The following CPEB3 variants were observed in gnomAD, a reference collection of about 807,000 sequenced individuals.
CPEB3 encodes the protein cytoplasmic polyadenylation element binding protein 3.
CPEB3 carries 20 observed loss-of-function variants against 67.2 expected under a neutral mutation model. That is an observed-to-expected ratio of 0.30 (90% CI 0.21 to 0.43). CPEB3 has a LOEUF of 0.43. Ranked by LOEUF, CPEB3 falls within the 20% of genes least tolerant of loss-of-function variation. The probability of loss-of-function intolerance (pLI) is 1.00; values close to 1 mark genes in which losing one functional copy is unlikely to be tolerated. For missense variants in CPEB3, 746 were observed against 968.6 expected, an observed-to-expected ratio of 0.77 and a Z score of 3.05; for synonymous variants, 376 against 393.1, an observed-to-expected ratio of 0.96 and a Z score of 0.51.
rs1039759136 is a variant in CPEB3 at position 92,211,588 on chromosome 10, G to A, written c.1006-18952C>T. Among the ~76,000 whole-genome samples, 6 of 150,104 alleles carry A rather than the reference G, an allele frequency of 4.0e-5. No individual in the cohort carries two copies. In the East Asian group the frequency reaches 5.9e-4, roughly 15 times the overall value. ...GTCTCGCTCTGTTGCCCAGGCTGGC[G>A]TGCAGTGGCGCGATCTTGGCTCACT... On this transcript the variant is annotated intron_variant, in intron 2 of 9. Transcript: ENST00000265997.
At chr10:92,113,152 C>G (rs545188862) in intron 6 of CPEB3, among the ~76,000 whole-genome samples, 2 of 152,268 alleles carry the variant, frequency 1.3e-5, no homozygotes, top group East Asian at 3.9e-4. Context: ...GAGAGACTGC[C>G]AAGGTTTTAG....
intron 7 of CPEB3, among the ~76,000 whole-genome samples, chr10:92,105,958 T>C (rs182145049): frequency 4.6e-5 from 7 of 152,292 alleles, no homozygotes. Context: ...GATGGCGCAA[T>C]GTCGGCTCAC....
intron 6 of CPEB3, among the ~76,000 whole-genome samples, chr10:92,129,834 G>C (rs544128509): frequency 1.3e-5 from 2 of 152,150 alleles, no homozygotes; most frequent in Admixed American, 1.3e-4. Context: ...TTGAGCCCAG[G>C]AGTTTGAGAA....
chr10:92,252,947 A>G (rs910727234), intron 1 of CPEB3, among the ~76,000 whole-genome samples: 4 of 151,752 alleles, frequency 2.6e-5, no homozygotes, highest in African/African-American at 7.3e-5. Context: ...TTTTTGAGAC[A>G]GGGTCTCGCT....
chr10:92,088,569 G>A (rs1014284543), intron 8 of CPEB3, among the ~76,000 whole-genome samples: 1 of 151,752 alleles, frequency 6.6e-6, no homozygotes, highest in Non-Finnish European at 1.5e-5. Flanking sequence ...GATAAGGCCT[G>A]TATTCAGAAT....
chr10:92,149,111 G>T (rs1846836510), intron 4 of CPEB3, among the ~76,000 whole-genome samples: 1 of 152,122 alleles, frequency 6.6e-6, no homozygotes, highest in Non-Finnish European at 1.5e-5. Flanking sequence ...GTGTTGGCCA[G>T]GCTGGTCTTG....
Position 92,270,400 on chromosome 10 carries a change from AAGG to A in CPEB3, c.-12+20523_-12+20525del, listed in dbSNP as rs151000028. On this transcript the variant is annotated intron_variant, in intron 1 of 9. Coordinates refer to ENST00000265997, the MANE Select transcript of CPEB3 (RefSeq NM_014912.5). Reference sequence around the variant, plus strand: ...TGCTTCTTCCTACCATTAGGATCTGAAGGAGAAGGAGGTGATACATTCATGAAA... The same window carrying A: ...TGCTTCTTCCTACCATTAGGATCTGAAGAAGGAGGTGATACATTCATGAAA... 3.4e-3 allele frequency among the ~76,000 whole-genome samples: 523 copies of A among 152,190 alleles called. 7 individuals carry two copies. In the East Asian group the frequency reaches 0.037, roughly 11 times the overall value.
At chr10:92,106,313 G>A (rs977377019) in intron 7 of CPEB3, among the ~76,000 whole-genome samples, 2 of 150,806 alleles carry the variant, frequency 1.3e-5, no homozygotes, top group Admixed American at 6.6e-5. Context: ...GTACGTTCTG[G>A]TTCACAGTAA....
chr10:92,197,381 C>T (rs1030275885), intron 2 of CPEB3, among the ~76,000 whole-genome samples: 8 of 152,140 alleles, frequency 5.3e-5, no homozygotes, highest in Non-Finnish European at 7.4e-5. Flanking sequence ...ACAGAAAAAT[C>T]TACAGTGGAA....
intron 2 of CPEB3, among the ~76,000 whole-genome samples, chr10:92,227,851 A>G (rs543160251): frequency 6.6e-6 from 1 of 151,108 alleles, no homozygotes; most frequent in African/African-American, 2.4e-5. Context: ...TTGGCCTCCC[A>G]AAGTGCTGGG....
chr10:92,247,832 A>G (rs1330390682), intron 1 of CPEB3, among the ~76,000 whole-genome samples: 1 of 152,046 alleles, frequency 6.6e-6, no homozygotes, highest in Non-Finnish European at 1.5e-5. Flanking sequence ...CACTTTCTGA[A>G]ATTTTATCTT....
intron 3 of CPEB3, among the ~76,000 whole-genome samples, chr10:92,187,699 A>G (rs548144306): frequency 1.3e-5 from 2 of 152,342 alleles, no homozygotes; most frequent in East Asian, 3.9e-4. Flanking sequence ...TAGAAAGTCA[A>G]GGAACAGCTA....
intron 4 of CPEB3, among the ~76,000 whole-genome samples, chr10:92,158,782 T>C (rs1321199436): frequency 2.6e-5 from 4 of 152,186 alleles, no homozygotes; most frequent in African/African-American, 9.7e-5. Context: ...CTTTAAAGGT[T>C]TTCTTCCTCT....
intron 6 of CPEB3, among the ~76,000 whole-genome samples, chr10:92,114,330 CA>C (rs749289671): frequency 5.9e-5 from 9 of 152,306 alleles, no homozygotes; most frequent in Admixed American, 2.0e-4. Flanking sequence ...ATCTTTCGAA[CA>C]TATTTCCCTT....
chr10:92,086,773 T>G (rs1843393085), intron 8 of CPEB3, among the ~76,000 whole-genome samples: 1 of 152,236 alleles, frequency 6.6e-6, no homozygotes, highest in South Asian at 2.1e-4. Context: ...ATTGCAGTGT[T>G]ATTTTGGTTT....
At chr10:92,087,667 A>G (rs1011253557) in intron 8 of CPEB3, among the ~76,000 whole-genome samples, 26 of 152,134 alleles carry the variant, frequency 1.7e-4, no homozygotes, top group South Asian at 4.2e-4. Context: ...GAGACCACAT[A>G]CCTCACTCTC....
chr10:92,255,207 C>T (rs1852468977), intron 1 of CPEB3, among the ~76,000 whole-genome samples: 1 of 152,152 alleles, frequency 6.6e-6, no homozygotes, highest in Admixed American at 6.6e-5. Context: ...GAACCCATTC[C>T]TTCTAGTTTC....
intron 4 of CPEB3, among the ~76,000 whole-genome samples, chr10:92,178,698 A>AT (rs1487537132): frequency 2.0e-5 from 3 of 152,110 alleles, no homozygotes; most frequent in Non-Finnish European, 4.4e-5. Context: ...AAATACATAC[A>AT]TATTTTAAAA....
At chr10:92,171,967 C>T (rs1201303986) in intron 4 of CPEB3, among the ~76,000 whole-genome samples, 1 of 152,052 alleles carries the variant, frequency 6.6e-6, no homozygotes, top group Non-Finnish European at 1.5e-5. Flanking sequence ...CACAACCTTA[C>T]CATTTGTAAA....
Sources: allele counts gnomAD v4.1 joint callset (sites outside exome capture counted in the v4.1 genomes callset), GRCh38; gene constraint gnomAD v4.1.1; transcripts MANE v1.5; gene names NCBI Gene and HGNC (gene_info 2026-07-23, HGNC 2026-07-21).